GAS2: variants seen among roughly 807,000 people sequenced by gnomAD.
The protein encoded by GAS2 is growth arrest specific 2.
GAS2 carries 20 observed loss-of-function variants against 37.5 expected under a neutral mutation model. The observed-to-expected ratio is 0.53, with a 90% CI of 0.37 to 0.77. GAS2 has a LOEUF of 0.77. GAS2 is among the 30% of genes least tolerant of loss of function. GAS2 has a pLI of 0.00. For missense variants in GAS2, 336 were observed against 373.4 expected (o/e 0.90, Z 0.82); for synonymous variants, 144 against 132.2 (o/e 1.09, Z -0.61).
chr11:22,685,115 A>G (rs1849875669), intron 2 of GAS2, among the ~76,000 whole-genome samples: 2 of 151,876 alleles, frequency 1.3e-5, no homozygotes, highest in South Asian at 2.1e-4. Flanking sequence ...GCAGTGAGCT[A>G]TGATCCTGCC....
upstream of GAS2, among the ~76,000 whole-genome samples, chr11:22,663,432 T>G (rs945259182): frequency 6.6e-6 from 1 of 151,552 alleles, no homozygotes; most frequent in African/African-American, 2.4e-5. Context: ...AAATAAAAAA[T>G]AAATGAATAA....
intron 1 of GAS2, among the ~76,000 whole-genome samples, chr11:22,644,149 CT>C (rs1483049163): frequency 6.6e-6 from 1 of 152,042 alleles, no homozygotes; most frequent in Non-Finnish European, 1.5e-5. Flanking sequence ...TCTTATTACT[CT>C]TTCACTAAGT....
intron 7 of GAS2, 117 bp downstream of exon 7, chr11:22,756,070 T>G (rs982752615): frequency 6.0e-5 from 40 of 667,380 alleles, no homozygotes; most frequent in Non-Finnish European, 9.3e-5. Flanking sequence ...TAAAGATACA[T>G]GGTATGAATT....
At chr11:22,664,457 C>T (rs1209270454), upstream of GAS2, among the ~76,000 whole-genome samples, 2 of 152,086 alleles carry the variant, frequency 1.3e-5, no homozygotes, top group Non-Finnish European at 2.9e-5. Flanking sequence ...GCAGAAATTT[C>T]CCGTGTTAAA....
rs76162706 is a variant in GAS2 at position 22,674,228 on chromosome 11, A to C, written c.-20-622A>C. ...CTCTATTTTTTTATTTTTTTTTTTT[A>C]TTTTTCTTTTTTTGGTTTCTTTGAC... On this transcript the variant is annotated intron_variant, in intron 1 of 7. Transcript: ENST00000454584. Among the ~76,000 whole-genome samples the C allele has an allele frequency of 2.4e-5, 3 of 124,496 alleles. No homozygotes were observed. In the South Asian group the frequency reaches 7.5e-4, roughly 31 times the overall value. 81.7% of individuals were successfully genotyped at this position (124,496 alleles called of 152,430 possible).
chr11:22,705,716 T>C (rs1267745365), intron 3 of GAS2, among the ~76,000 whole-genome samples: 1 of 152,166 alleles, frequency 6.6e-6, no homozygotes, highest in Non-Finnish European at 1.5e-5. Flanking sequence ...GGGCAAAATA[T>C]TGGATGCTCA....
chr11:22,671,769 A>G (rs1849210602), intron 1 of GAS2, among the ~76,000 whole-genome samples: 2 of 152,130 alleles, frequency 1.3e-5, no homozygotes, highest in African/African-American at 4.8e-5. Context: ...GGAATAAGAT[A>G]AATTAATTTG....
At chr11:22,668,529 A>G (rs1849077149) in intron 1 of GAS2, among the ~76,000 whole-genome samples, 1 of 150,168 alleles carries the variant, frequency 6.7e-6, no homozygotes, top group East Asian at 1.9e-4. Context: ...ACTGTGCTTT[A>G]CTGGGAAATA....
intron 1 of GAS2, among the ~76,000 whole-genome samples, chr11:22,668,817 G>C (rs1001553109): frequency 6.6e-6 from 1 of 152,166 alleles, no homozygotes; most frequent in Non-Finnish European, 1.5e-5. Flanking sequence ...AGAGACTTTT[G>C]TTTAAAACTG....
intron 2 of GAS2, among the ~76,000 whole-genome samples, chr11:22,683,105 G>A (rs1395136234): frequency 2.6e-5 from 4 of 151,822 alleles, no homozygotes; most frequent in African/African-American, 4.8e-5. Flanking sequence ...TTTAATTGGG[G>A]GCTAAAATAT....
intron 5 of GAS2, among the ~76,000 whole-genome samples, chr11:22,744,007 G>C (rs1387244901): frequency 6.6e-6 from 1 of 152,020 alleles, no homozygotes. Context: ...AGACTATTAT[G>C]AACACCCTAG....
At position 22,743,757 on chromosome 11, in the gene GAS2, T is replaced by G. The variant is rs1384901657; in HGVS notation, c.474-5363T>G. Among the ~76,000 whole-genome samples, 3 of 151,946 alleles carry G rather than the reference T, an allele frequency of 2.0e-5. No homozygotes were observed. In the South Asian group the frequency reaches 6.2e-4, roughly 32 times the overall value. On this transcript the variant is annotated intron_variant, in intron 5 of 7. Coordinates refer to ENST00000454584, the MANE Select transcript of GAS2 (RefSeq NM_001143830.3). ...AGGAAATAGAAGAATAAGAACAAAC[T>G]AACCCAAAGCTAGCAGAAGAAAAGA...
At chr11:22,723,739 C>T (rs1221921263) in intron 3 of GAS2, among the ~76,000 whole-genome samples, 2 of 151,822 alleles carry the variant, frequency 1.3e-5, no homozygotes, top group African/African-American at 2.4e-5. Flanking sequence ...CTTAAAGTGG[C>T]TCATTGTTTG....
At chr11:22,720,549 A>T (rs924084410) in intron 3 of GAS2, among the ~76,000 whole-genome samples, 4 of 152,050 alleles carry the variant, frequency 2.6e-5, no homozygotes, top group Admixed American at 6.6e-5. Flanking sequence ...TTTTTCTATT[A>T]AATATACAGT....
chr11:22,703,084 G>C (rs566983583), intron 3 of GAS2, among the ~76,000 whole-genome samples: 1 of 152,202 alleles, frequency 6.6e-6, no homozygotes, highest in African/African-American at 2.4e-5. Flanking sequence ...GCAAATTCTG[G>C]ATAGAAAAAG....
chr11:22,740,725 C>A (rs1853029056), intron 5 of GAS2, among the ~76,000 whole-genome samples: 1 of 152,174 alleles, frequency 6.6e-6, no homozygotes, highest in Non-Finnish European at 1.5e-5. Context: ...AGGGAAATTT[C>A]TCTTAATCTA....
chr11:22,806,916 C>A (rs963555210), intron 7 of GAS2, among the ~76,000 whole-genome samples: 1 of 152,226 alleles, frequency 6.6e-6, no homozygotes, highest in East Asian at 1.9e-4. Flanking sequence ...CACAATTACT[C>A]CTCATCAATA....
intron 3 of GAS2, among the ~76,000 whole-genome samples, chr11:22,722,708 G>A (rs1197769519): frequency 6.6e-6 from 1 of 151,710 alleles, no homozygotes; most frequent in Admixed American, 6.6e-5. Context: ...ATGTCCCTTG[G>A]GGATGTAAAA....
At chr11:22,738,744 T>C (rs948978991) in intron 5 of GAS2, among the ~76,000 whole-genome samples, 1 of 152,244 alleles carries the variant, frequency 6.6e-6, no homozygotes, top group African/African-American at 2.4e-5. Context: ...AGACCTTTCT[T>C]TGATCCAATA....
Sources: allele counts gnomAD v4.1 joint callset (sites outside exome capture counted in the v4.1 genomes callset), GRCh38; gene constraint gnomAD v4.1.1; transcripts MANE v1.5; gene names NCBI Gene and HGNC (gene_info 2026-07-23, HGNC 2026-07-21).